XPC: variants seen among roughly 807,000 people sequenced by gnomAD.
The protein encoded by XPC is XPC complex subunit, DNA damage recognition and repair factor, also known as DNA repair protein complementing XP-C cells.
A neutral mutation model predicts 95.8 loss-of-function variants in XPC; 76 were observed. That is an observed-to-expected ratio of 0.79 (90% CI 0.66 to 0.96). The LOEUF (loss-of-function observed/expected upper bound fraction) is 0.96. XPC is among the 40% of genes least tolerant of loss of function. XPC has a pLI of 0.00. For synonymous variants in XPC, 442 were observed against 442.1 expected (o/e 1.00, Z 0.00); for missense variants, 1,146 against 1,179.8 (o/e 0.97, Z 0.42).
chr3:14,146,620 G>A (rs1198846623), intron 15 of XPC, among the ~76,000 whole-genome samples: 2 of 152,344 alleles, frequency 1.3e-5, no homozygotes, highest in Middle Eastern at 3.4e-3. Flanking sequence ...GCGGCAAGGA[G>A]CTGGTCAGAA....
intron 3 of XPC, among the ~76,000 whole-genome samples, chr3:14,170,102 C>G (rs1048808762): frequency 6.6e-6 from 1 of 152,246 alleles, no homozygotes; most frequent in African/African-American, 2.4e-5. Context: ...GATTAAATTA[C>G]TCACTCACAC....
In XPC at chr3:14,145,539, G is replaced by A. The variant is rs1695384521; in HGVS notation, c.*402C>T. 1.1e-5 allele frequency: 8 copies of A among 700,212 alleles called. No homozygotes were observed. The East Asian group carries it at 2.1e-4, about 19-fold the overall frequency. The allele number at this position is 700,212 out of a possible 1,614,324, so 43.4% of individuals were successfully genotyped here. On this transcript the variant is annotated 3_prime_UTR_variant, in exon 16 of 16. Transcript: ENST00000285021. ...GGACAGATGAAGACTCTAACTGGAA[G>A]AAACGATCAGCGCATTCACGGATGC...
In XPC at chr3:14,158,933, T is replaced by G. The variant is rs748574678; in HGVS notation, c.991-41A>C. 2.5e-6 allele frequency: 4 copies of G among 1,610,492 alleles called. No individual in the cohort carries two copies. Among genetic ancestry groups the G allele is most frequent in the East Asian group, 2.2e-5 (1 of 44,856 alleles). On this transcript the variant is annotated intron_variant, in intron 8 of 15. Coordinates refer to ENST00000285021, the MANE Select transcript of XPC (RefSeq NM_004628.5). The surrounding 1 kb of genome is among the most constrained non-coding windows in gnomAD (Gnocchi z 5.2). ...AAATTTTGCTTTTTTTTCTCCCCCC[T>G]CTTTTGCTAATGATATGATAGAAAT...
intron 11 of XPC, chr3:14,149,660 A>G (rs1695606749): frequency 6.6e-6 from 1 of 152,184 alleles, no homozygotes; most frequent in African/African-American, 2.4e-5. Flanking sequence ...GGGTGTCACC[A>G]TATTGGCCTG....
chr3:14,148,123 G>A (rs7638104), intron 13 of XPC, 122 bp from the exon 14 acceptor site: 612 of 819,816 alleles, frequency 7.5e-4, no homozygotes, highest in Admixed American at 1.2e-3. Flanking sequence ...AGGATGTCGC[G>A]GGTCAGCCAG....
At chr3:14,169,319 A>AAAT (rs3731088) in intron 3 of XPC, among the ~76,000 whole-genome samples, 3,537 of 152,324 alleles carry the variant, frequency 0.023, 127 homozygotes, top group African/African-American at 0.078. Context: ...AATCAAAATT[A>AAAT]CATGTCTTTG....
At chr3:14,159,611 T>A (rs1464663275) in intron 8 of XPC, 130 bp downstream of exon 8, 2 of 897,670 alleles carry the variant, frequency 2.2e-6, no homozygotes, top group African/African-American at 1.7e-5. Context: ...ACACAGGGTA[T>A]GTGCAAGGCT....
chr3:14,155,294 TC>T (rs1695856804), intron 10 of XPC, among the ~76,000 whole-genome samples: 1 of 152,246 alleles, frequency 6.6e-6, no homozygotes, highest in Non-Finnish European at 1.5e-5. Context: ...TTCTGTACCT[TC>T]CTGTTTTCTC....
At chr3:14,161,795 T>C (rs1387735913) in intron 7 of XPC, among the ~76,000 whole-genome samples, 1 of 151,570 alleles carries the variant, frequency 6.6e-6, no homozygotes, top group Non-Finnish European at 1.5e-5. Context: ...TTCAACATTG[T>C]ACTTGAAGTC....
intron 7 of XPC, among the ~76,000 whole-genome samples, chr3:14,160,260 A>T (rs1449326980): frequency 2.0e-5 from 3 of 152,200 alleles, no homozygotes; most frequent in Non-Finnish European, 4.4e-5. Context: ...AAAATGAAAT[A>T]CCACTTTGGG....
chr3:14,151,012 G>A (rs546082264), intron 11 of XPC, among the ~76,000 whole-genome samples: 2 of 152,268 alleles, frequency 1.3e-5, no homozygotes, highest in South Asian at 2.1e-4. Flanking sequence ...ACAGGGGAAT[G>A]GATTCAGGCT....
At chr3:14,156,719 C>T (rs1248108618) in intron 9 of XPC, among the ~76,000 whole-genome samples, 1 of 152,200 alleles carries the variant, frequency 6.6e-6, no homozygotes, top group Non-Finnish European at 1.5e-5. Flanking sequence ...CTTGTGGCAA[C>T]TTCAAAAAGT....
chr3:14,161,037 G>GA (rs1260194475), intron 7 of XPC, among the ~76,000 whole-genome samples: 5 of 152,054 alleles, frequency 3.3e-5, no homozygotes, highest in Non-Finnish European at 7.4e-5. Context: ...CATTGCTGAG[G>GA]AAAAAAATCA....
chr3:14,178,381 C>T (rs970163440), intron 1 of XPC, 85 bp downstream of exon 1: 65 of 1,442,318 alleles, frequency 4.5e-5, no homozygotes, highest in Admixed American at 2.7e-4. Flanking sequence ...CACCAGGCCT[C>T]CGCGTCTGGA....
intron 1 of XPC, among the ~76,000 whole-genome samples, chr3:14,173,445 A>G (rs1304437104): frequency 6.6e-6 from 1 of 152,102 alleles, no homozygotes; most frequent in Non-Finnish European, 1.5e-5. Context: ...TGTACTCCTA[A>G]GTAAAATGTT....
Position 14,148,882 on chromosome 3 carries a change from T to C in XPC, c.2182A>G (p.Asn728Asp). The part of the protein sequence containing the change: ...RLAEPQLREE[N>D]DLGLFGYWQT... ...CAGTAGCCAAACAGGCCCAGGTCAT[T>C]TTCTTCCCGCAGCTGGGGCTCAGCA... Residue 728 changes from asparagine to aspartate, a missense_variant, in exon 12 of 16, where the codon AAT (asparagine) becomes GAT (aspartate). Physicochemically the swap from Asn to Asp is conservative, Grantham distance 23. Transcript: ENST00000285021. 1 of 1,613,916 alleles carries C rather than the reference T, an allele frequency of 6.2e-7. No homozygotes were observed. The highest frequency in any genetic ancestry group is 8.5e-7 in the Non-Finnish European group (1 of 1,179,862).
In XPC at chr3:14,146,086, T is replaced by G. The variant is rs1559366963; in HGVS notation, c.2678A>C (p.Gln893Pro). The G allele has an allele frequency of 1.9e-6, 3 of 1,612,274 alleles. No individual in the cohort carries two copies. Among genetic ancestry groups the G allele is most frequent in the Non-Finnish European group, 2.5e-6 (3 of 1,179,406 alleles). The change falls in exon 16 of 16, where the codon CAA (glutamine) becomes CCA (proline). Residue 893 changes from glutamine (Q) to proline (P), a missense_variant. Physicochemically the swap from Gln to Pro is moderately conservative, Grantham distance 76. Coordinates refer to ENST00000285021, the MANE Select transcript of XPC (RefSeq NM_004628.5). ...SSDEEEGTSS[Q>P]AEAARILAAS... ...AGCCAGTATCCTGGCCGCTTCTGCT[T>G]GAGAGCTGGTCCCCTCCTCTTCATC...
intron 11 of XPC, chr3:14,151,870 C>A (rs764905398): frequency 6.3e-6 from 1 of 159,476 alleles, no homozygotes. Context: ...TTGCCCTGAG[C>A]TTCAGTTTTC....
chr3:14,150,460 T>G (rs1463727534), intron 11 of XPC, among the ~76,000 whole-genome samples: 1 of 152,190 alleles, frequency 6.6e-6, no homozygotes, highest in Non-Finnish European at 1.5e-5. Flanking sequence ...GGGCGCACCC[T>G]CTCTGTCACC....
Sources: gnomAD v4.1 joint callset for allele counts (sites outside exome capture counted in the v4.1 genomes callset) on GRCh38, gnomAD v4.1.1 for gene constraint, Gnocchi (gnomAD v3.1) non-coding constraint, MANE v1.5 for transcripts, NCBI Gene and HGNC (gene_info 2026-07-23, HGNC 2026-07-21) for gene names.